The following GRIK1 variants were observed in gnomAD, a reference collection of about 807,000 sequenced individuals.
GRIK1 encodes the protein glutamate ionotropic receptor kainate type subunit 1.
Under a neutral mutation model 105.7 loss-of-function variants are expected in GRIK1, and 69 were observed. The observed-to-expected ratio is 0.65, with a 90% CI of 0.54 to 0.80. The LOEUF is 0.80. Ranked by LOEUF, GRIK1 falls within the 30% of genes least tolerant of loss-of-function variation. The pLI is 0.00. For synonymous variants in GRIK1, 438 were observed against 431.3 expected, an observed-to-expected ratio of 1.02 and a Z score of -0.19; for missense variants, 1,109 against 1,167.3, an observed-to-expected ratio of 0.95 and a Z score of 0.73.
intron 1 of GRIK1, among the ~76,000 whole-genome samples, chr21:29,906,438 T>C (rs2070642924): frequency 6.6e-6 from 1 of 152,208 alleles, no homozygotes; most frequent in Non-Finnish European, 1.5e-5. Flanking sequence ...ATTTCAAAAA[T>C]TGTTAAGTTG....
At chr21:29,677,863 T>G (rs1427750860) in intron 3 of GRIK1, among the ~76,000 whole-genome samples, 1 of 152,160 alleles carries the variant, frequency 6.6e-6, no homozygotes, top group East Asian at 1.9e-4. Flanking sequence ...CAGGTCAAAC[T>G]CCTTTTGATG....
At chr21:29,539,656 A>G (rs1015662375) in intron 16 of GRIK1, among the ~76,000 whole-genome samples, 5 of 152,236 alleles carry the variant, frequency 3.3e-5, no homozygotes, top group Non-Finnish European at 4.4e-5. Context: ...GATATATAGT[A>G]TTGTATCAGA....
intron 1 of GRIK1, among the ~76,000 whole-genome samples, chr21:29,814,395 T>C (rs1300847210): frequency 6.6e-6 from 1 of 152,098 alleles, no homozygotes; most frequent in East Asian, 1.9e-4. Flanking sequence ...CTTCGTCTGA[T>C]TTGCGATGCT....
intron 1 of GRIK1, among the ~76,000 whole-genome samples, chr21:29,863,835 T>C (rs913670086): frequency 1.3e-5 from 2 of 152,188 alleles, no homozygotes; most frequent in Non-Finnish European, 2.9e-5. Flanking sequence ...TACAGATAGC[T>C]ATCACACATT....
intron 1 of GRIK1, among the ~76,000 whole-genome samples, chr21:29,750,247 T>TCCCG (rs1569046383): frequency 1.2e-5 from 1 of 82,114 alleles, no homozygotes; most frequent in Admixed American, 1.4e-4. Flanking sequence ...CCTCCCTCCC[T>TCCCG]CCCTCCCTCC....
intron 1 of GRIK1, among the ~76,000 whole-genome samples, chr21:29,780,910 G>T (rs538687767): frequency 3.3e-5 from 5 of 152,254 alleles, no homozygotes; most frequent in African/African-American, 1.2e-4. Flanking sequence ...GAGAGGATCT[G>T]CTATTCCTGG....
chr21:29,685,180 C>T (rs1568973036), intron 3 of GRIK1, among the ~76,000 whole-genome samples: 3 of 152,100 alleles, frequency 2.0e-5, no homozygotes, highest in African/African-American at 4.8e-5. Context: ...TTTTAAAAAA[C>T]TATATAAAAA....
At chr21:29,725,685 G>A (rs1945300001) in intron 1 of GRIK1, among the ~76,000 whole-genome samples, 1 of 152,152 alleles carries the variant, frequency 6.6e-6, no homozygotes, top group Non-Finnish European at 1.5e-5. Context: ...AGAATGAACT[G>A]TAATAGCTTA....
At chr21:29,914,954 T>C (rs456971) in intron 1 of GRIK1, among the ~76,000 whole-genome samples, 35,505 of 151,980 alleles carry the variant, frequency 0.23, 4,956 homozygotes, top group African/African-American at 0.39. Flanking sequence ...GTTAAGCCAC[T>C]TTCATTTGAA....
At chr21:29,852,208 A>T (rs944354676) in intron 1 of GRIK1, among the ~76,000 whole-genome samples, 4 of 152,244 alleles carry the variant, frequency 2.6e-5, no homozygotes, top group Middle Eastern at 3.4e-3. Context: ...TTGATGCTTG[A>T]CATTCAAATT....
At chr21:29,840,374 G>A (rs9978058) in intron 1 of GRIK1, among the ~76,000 whole-genome samples, 1 of 152,030 alleles carries the variant, frequency 6.6e-6, no homozygotes, top group Non-Finnish European at 1.5e-5. Flanking sequence ...CATATTTCTA[G>A]CAATGCATCA....
At chr21:29,631,093 C>G (rs2062260949) in intron 7 of GRIK1, among the ~76,000 whole-genome samples, 1 of 152,144 alleles carries the variant, frequency 6.6e-6, no homozygotes, top group African/African-American at 2.4e-5. Context: ...CAGGCCTGAG[C>G]TACTGCACCT....
chr21:29,563,549 C>T (rs1469069200), intron 14 of GRIK1, among the ~76,000 whole-genome samples: 1 of 152,026 alleles, frequency 6.6e-6, no homozygotes, highest in Non-Finnish European at 1.5e-5. Flanking sequence ...ATAACAAAGG[C>T]GTGTTTTGGG....
At chr21:29,916,363 G>T (rs962869730) in intron 1 of GRIK1, among the ~76,000 whole-genome samples, 2 of 151,738 alleles carry the variant, frequency 1.3e-5, no homozygotes, top group African/African-American at 4.8e-5. Flanking sequence ...ACTCAAAGTG[G>T]GAGCCAGAGA....
intron 14 of GRIK1, among the ~76,000 whole-genome samples, chr21:29,575,078 T>A (rs974778131): frequency 6.6e-6 from 1 of 152,208 alleles, no homozygotes; most frequent in African/African-American, 2.4e-5. Flanking sequence ...CTTTTTCCAT[T>A]ACTTTGCTTC....
intron 16 of GRIK1, among the ~76,000 whole-genome samples, chr21:29,539,034 T>C (rs995942211): frequency 6.6e-6 from 1 of 151,754 alleles, no homozygotes; most frequent in Non-Finnish European, 1.5e-5. Flanking sequence ...AGGATTTGAA[T>C]TTCACTTCCA....
intron 1 of GRIK1, among the ~76,000 whole-genome samples, chr21:29,744,250 G>A (rs1392392964): frequency 2.6e-5 from 4 of 152,172 alleles, no homozygotes; most frequent in Non-Finnish European, 5.9e-5. Flanking sequence ...CCCAGAGGAG[G>A]CATCCCTGGA....
intron 14 of GRIK1, among the ~76,000 whole-genome samples, chr21:29,563,686 A>C (rs1342559413): frequency 1.3e-5 from 2 of 152,242 alleles, no homozygotes; most frequent in Non-Finnish European, 2.9e-5. Context: ...CAGTAAATGC[A>C]CAGCTGCGAA....
chr21:29,549,873 G>T (rs1031189661), intron 16 of GRIK1, among the ~76,000 whole-genome samples: 20 of 151,966 alleles, frequency 1.3e-4, no homozygotes, highest in Admixed American at 1.3e-3. Flanking sequence ...TTGGGGGGCC[G>T]AGGCGGGTGG....
Sources: allele counts gnomAD v4.1 joint callset (sites outside exome capture counted in the v4.1 genomes callset), GRCh38; gene constraint gnomAD v4.1.1; transcripts MANE v1.5; gene names NCBI Gene and HGNC (gene_info 2026-07-23, HGNC 2026-07-21).